Variants in JAK1 observed in about 807,000 individuals in gnomAD.
JAK1 encodes the protein tyrosine-protein kinase JAK1.
JAK1 carries 16 observed loss-of-function variants against 136.6 expected under a neutral mutation model. That is an observed-to-expected ratio of 0.12 (90% CI 0.08 to 0.18). The LOEUF (loss-of-function observed/expected upper bound fraction) is 0.18, where lower values mean the gene tolerates loss of function less well. Ranked by LOEUF, JAK1 falls within the 10% of genes least tolerant of loss-of-function variation. The pLI is 1.00. For synonymous variants in JAK1, 492 were observed against 519.5 expected, an observed-to-expected ratio of 0.95 and a Z score of 0.72; for missense variants, 859 against 1,450.1, an observed-to-expected ratio of 0.59 and a Z score of 6.62.
intron 1 of JAK1, among the ~76,000 whole-genome samples, chr1:64,900,810 T>C (rs996771442): frequency 2.0e-5 from 3 of 152,204 alleles, no homozygotes; most frequent in African/African-American, 7.2e-5. Context: ...CTACTTGTAA[T>C]CAACTTCTCA....
chr1:65,039,501 G>A (rs1041471500), intron 2 of JAK1, among the ~76,000 whole-genome samples: 6 of 152,100 alleles, frequency 3.9e-5, no homozygotes, highest in Admixed American at 2.6e-4. Context: ...CTGTGGCTTC[G>A]AGAGGTTACA....
intron 1 of JAK1, among the ~76,000 whole-genome samples, chr1:64,900,821 T>C (rs1012875091): frequency 6.6e-6 from 1 of 152,234 alleles, no homozygotes; most frequent in Non-Finnish European, 1.5e-5. Context: ...CAACTTCTCA[T>C]GGCTCATCCC....
chr1:64,837,495 C>A (rs1358840917), intron 22 of JAK1, among the ~76,000 whole-genome samples: 1 of 152,188 alleles, frequency 6.6e-6, no homozygotes, highest in Non-Finnish European at 1.5e-5. Flanking sequence ...AGCCAGGTCT[C>A]CCGTAGGTTT....
rs13375727 is a variant in JAK1, at chr1:65,055,884, A to C, written c.-180-11302T>G. Among the ~76,000 whole-genome samples the C allele has an allele frequency of 2.6e-3, 393 of 152,276 alleles. 2 individuals carry two copies. Among genetic ancestry groups the C allele is most frequent in the African/African-American group, 9.1e-3 (379 of 41,548 alleles). On this transcript the variant is annotated intron_variant, in intron 1 of 25. Coordinates refer to the JAK1 transcript ENST00000671954. ...AACACTCAGTTCTTCAACACCCCAC[A>C]GGCCTGGTTGTAGATTTTGAGGTCA...
chr1:64,838,657 C>A, intron 20 of JAK1, 68 bp from the exon 21 acceptor site: 1 of 1,558,984 alleles, frequency 6.4e-7, no homozygotes, highest in South Asian at 1.1e-5. Context: ...GGCAAGGGCA[C>A]AGGATATGAG....
rs540223064 is a variant in JAK1 at position 64,846,744 on chromosome 1, C to T, written c.1900-8G>A. ...GGCTGCCTCGAAGAAGGCCTGTGGGCGAGCAGGACATAGGAATGTCTCAGG... is the reference window on the plus strand; with the variant it reads ...GGCTGCCTCGAAGAAGGCCTGTGGGTGAGCAGGACATAGGAATGTCTCAGG... On this transcript the variant is annotated splice_region_variant and splice_polypyrimidine_tract_variant and intron_variant, in intron 13 of 24. Coordinates refer to ENST00000342505, the MANE Select transcript of JAK1 (RefSeq NM_002227.4). 30 of 1,611,630 alleles carry T rather than the reference C, an allele frequency of 1.9e-5. No homozygotes were observed. In the South Asian group the frequency reaches 2.3e-4, roughly 12 times the overall value.
At chr1:65,011,971 G>A (rs1569874963) in intron 2 of JAK1, among the ~76,000 whole-genome samples, 1 of 152,216 alleles carries the variant, frequency 6.6e-6, no homozygotes, top group East Asian at 1.9e-4. Flanking sequence ...AGGCCCAGAA[G>A]AGGAAAGAGA....
chr1:64,930,115 C>T (rs1645662404), intron 1 of JAK1, among the ~76,000 whole-genome samples: 1 of 152,108 alleles, frequency 6.6e-6, no homozygotes, highest in Non-Finnish European at 1.5e-5. Flanking sequence ...GATTATAACA[C>T]CAAAAGCAAT....
At chr1:65,058,044 G>C (rs1163205736) in intron 1 of JAK1, among the ~76,000 whole-genome samples, 1 of 151,246 alleles carries the variant, frequency 6.6e-6, no homozygotes, top group Non-Finnish European at 1.5e-5. Flanking sequence ...TTTTCTCCCT[G>C]TAAGTAGAAT....
Position 64,846,715 on chromosome 1 carries a change from T to C in JAK1, c.1921A>G (p.Met641Val), listed in dbSNP as rs989507474. 5.6e-6 allele frequency: 9 copies of C among 1,614,116 alleles called. No homozygotes were observed. The highest frequency in any genetic ancestry group is 1.6e-4 in the Middle Eastern group (1 of 6,062). Reference protein sequence around the residue: ...ISLAFFEAASMMRQVSHKHIV... With the variant: ...ISLAFFEAASVMRQVSHKHIV... The stretch of plus-strand genomic sequence containing the variant: ...TGTTTGTGGGAGACCTGTCTCATCA[T>C]GCTGGCTGCCTCGAAGAAGGCCTGT... The change falls in exon 14 of 25, where the codon ATG becomes GTG. Residue 641 changes from methionine (M) to valine (V), a missense_variant. Physicochemically the swap from Met to Val is conservative, Grantham distance 21. Around this residue, in one of 4 missense-constraint regions of JAK1, gnomAD observed 409 missense variants for 753.8 expected, o/e 0.54. Transcript: ENST00000342505.
intron 1 of JAK1, among the ~76,000 whole-genome samples, chr1:64,961,152 G>A (rs1407436179): frequency 6.6e-6 from 1 of 152,102 alleles, no homozygotes; most frequent in Non-Finnish European, 1.5e-5. Context: ...TTAAAAACCA[G>A]TTAGATAAAC....
intron 1 of JAK1, among the ~76,000 whole-genome samples, chr1:64,894,124 G>A (rs944952090): frequency 6.6e-6 from 1 of 152,176 alleles, no homozygotes; most frequent in African/African-American, 2.4e-5. Flanking sequence ...AGCCTGATAA[G>A]GACACCACTG....
chr1:64,909,819 C>T (rs1645252181), intron 1 of JAK1, among the ~76,000 whole-genome samples: 1 of 152,034 alleles, frequency 6.6e-6, no homozygotes, highest in African/African-American at 2.4e-5. Flanking sequence ...GAGACCATCA[C>T]ACAAAAAAAT....
intron 18 of JAK1, 28 bp downstream of exon 18, chr1:64,841,423 G>T: frequency 6.2e-7 from 1 of 1,614,068 alleles, no homozygotes; most frequent in Middle Eastern, 1.6e-4. Context: ...CCCCAAGCTG[G>T]GTTAAAGCAG....
intron 1 of JAK1, among the ~76,000 whole-genome samples, chr1:64,934,242 A>G (rs1360103440): frequency 6.6e-6 from 1 of 152,224 alleles, no homozygotes; most frequent in Admixed American, 6.5e-5. Context: ...CTCCGGCTCC[A>G]GTCCTGGGAA....
chr1:64,888,996 T>C (rs1210928609), intron 1 of JAK1, among the ~76,000 whole-genome samples: 2 of 152,238 alleles, frequency 1.3e-5, no homozygotes, highest in South Asian at 2.1e-4. Context: ...CCACTTTATA[T>C]GAAATGACAA....
intron 1 of JAK1, among the ~76,000 whole-genome samples, chr1:64,902,611 T>TGTGTGTGTGTGTG: frequency 1.3e-5 from 2 of 149,312 alleles, no homozygotes; most frequent in East Asian, 2.0e-4. Flanking sequence ...TGTGTGTGTG[T>TGTGTGTGTGTGTG]TATGGCATGT....
upstream of JAK1, among the ~76,000 whole-genome samples, chr1:64,970,152 A>AAAAAAG (rs1359601866): frequency 6.8e-6 from 1 of 146,316 alleles, no homozygotes; most frequent in Non-Finnish European, 1.5e-5. Context: ...AAAAAAAAAA[A>AAAAAAG]AAACGGCCGG....
intron 14 of JAK1, among the ~76,000 whole-genome samples, 186 bp downstream of exon 14, chr1:64,846,463 T>C (rs943898214): frequency 1.3e-5 from 2 of 152,018 alleles, no homozygotes; most frequent in African/African-American, 2.4e-5. Flanking sequence ...TGAAAAGCAA[T>C]TGGTTTTAGT....
Sources: allele counts gnomAD v4.1 joint callset (sites outside exome capture counted in the v4.1 genomes callset), GRCh38; gene constraint gnomAD v4.1.1; regional missense constraint gnomAD v4.1.1; transcripts MANE v1.5; gene names NCBI Gene and HGNC (gene_info 2026-07-23, HGNC 2026-07-21).